The following DLC1 variants were observed in gnomAD, a reference collection of about 807,000 sequenced individuals.
The protein encoded by DLC1 is rho GTPase-activating protein 7.
A neutral mutation model predicts 140.3 loss-of-function variants in DLC1; 54 were observed. The ratio of observed to expected loss-of-function variants is 0.38; its 90% CI spans 0.31 to 0.48. The LOEUF (loss-of-function observed/expected upper bound fraction) is 0.48. Among genes scored for constraint, DLC1 ranks in the 20% least tolerant of loss-of-function variants. The pLI, the probability that DLC1 is intolerant of heterozygous loss-of-function variation, is 0.96. For synonymous variants in DLC1, 986 were observed against 728.1 expected (o/e 1.35, Z -5.70); for missense variants, 2,536 against 1,907.0 (o/e 1.33, Z -6.14).
intron 5 of DLC1, among the ~76,000 whole-genome samples, chr8:13,279,253 C>A (rs768504695): frequency 6.6e-6 from 1 of 152,192 alleles, no homozygotes; most frequent in Non-Finnish European, 1.5e-5. Context: ...CACTGTTTAA[C>A]AGTAGAGCAC....
intron 5 of DLC1, among the ~76,000 whole-genome samples, chr8:13,161,736 C>G (rs539566698): frequency 5.3e-5 from 8 of 152,134 alleles, no homozygotes; most frequent in Non-Finnish European, 1.2e-4. Flanking sequence ...TTGGAGAGAA[C>G]GCTTCCTTGT....
At chr8:13,103,304 C>A (rs1563603963) in intron 7 of DLC1, among the ~76,000 whole-genome samples, 1 of 142,010 alleles carries the variant, frequency 7.0e-6, no homozygotes, top group East Asian at 2.1e-4. Flanking sequence ...GAGTGAGACT[C>A]CTTCTCAAAA....
chr8:13,377,834 G>C (rs980735652), intron 4 of DLC1, among the ~76,000 whole-genome samples: 1 of 151,800 alleles, frequency 6.6e-6, no homozygotes, highest in Non-Finnish European at 1.5e-5. Flanking sequence ...AAATCTATTG[G>C]CCTCCTATTT....
At chr8:13,229,431 T>C (rs1011773549) in intron 5 of DLC1, among the ~76,000 whole-genome samples, 8 of 152,180 alleles carry the variant, frequency 5.3e-5, no homozygotes, top group Middle Eastern at 3.4e-3. Context: ...TAGGACTCAG[T>C]TGGGGGGTAG....
At chr8:13,475,439 G>C (rs1800393976) in intron 2 of DLC1, among the ~76,000 whole-genome samples, 1 of 152,286 alleles carries the variant, frequency 6.6e-6, no homozygotes, top group South Asian at 2.1e-4. Flanking sequence ...TAAGCACAGT[G>C]GTTAAAATAA....
At chr8:13,196,926 C>G (rs77934393) in intron 5 of DLC1, among the ~76,000 whole-genome samples, 2 of 152,094 alleles carry the variant, frequency 1.3e-5, no homozygotes, top group African/African-American at 2.4e-5. Flanking sequence ...TTAGAACTTT[C>G]TACAGTTTAT....
At chr8:13,107,093 A>G (rs1819627984) in intron 7 of DLC1, among the ~76,000 whole-genome samples, 1 of 152,248 alleles carries the variant, frequency 6.6e-6, no homozygotes, top group African/African-American at 2.4e-5. Context: ...CGTTTCTCCA[A>G]GGGAACAGAC....
chr8:13,173,646 A>T (rs2410027), intron 5 of DLC1, among the ~76,000 whole-genome samples: 69,427 of 152,032 alleles, frequency 0.46, 16,645 homozygotes, highest in East Asian at 0.84. Context: ...CTGAGATTAC[A>T]GGCTTGAGCC....
At chr8:13,133,062 G>C in intron 5 of DLC1, 2 of 1,556,648 alleles carry the variant, frequency 1.3e-6, no homozygotes, top group South Asian at 2.4e-5. Flanking sequence ...CGGGACCCAC[G>C]GCGGCACCCG....
intron 1 of DLC1, among the ~76,000 whole-genome samples, chr8:13,523,912 A>C (rs1355492061): frequency 6.6e-6 from 1 of 151,628 alleles, no homozygotes; most frequent in East Asian, 1.9e-4. Context: ...AAAGTATAGA[A>C]ATGTTGAAGA....
At chr8:13,486,655 G>A (rs7341655) in intron 2 of DLC1, among the ~76,000 whole-genome samples, 150,254 of 152,234 alleles carry the variant, frequency 0.99, 74,193 homozygotes, top group East Asian at 1. Context: ...GTTTTTTCCA[G>A]CTGAAACATT....
chr8:13,525,999 T>A (rs553331378), intron 1 of DLC1, among the ~76,000 whole-genome samples: 1 of 152,258 alleles, frequency 6.6e-6, no homozygotes, highest in East Asian at 1.9e-4. Context: ...TAATTTTTTA[T>A]ATGGTGAAAG....
At chr8:13,286,152 G>A (rs747049784) in intron 5 of DLC1, among the ~76,000 whole-genome samples, 6 of 152,138 alleles carry the variant, frequency 3.9e-5, no homozygotes, top group Non-Finnish European at 8.8e-5. Flanking sequence ...ATAGAATTGG[G>A]TCAAAGAAGC....
chr8:13,172,119 G>C (rs1825519093), intron 5 of DLC1, among the ~76,000 whole-genome samples: 1 of 152,192 alleles, frequency 6.6e-6, no homozygotes, highest in South Asian at 2.1e-4. Flanking sequence ...ACATTTTATA[G>C]ATGTCATTTG....
chr8:13,173,695 T>C lies in DLC1; in HGVS notation c.1349-58038A>G, dbSNP rs113790016. Among the ~76,000 whole-genome samples, 129 of 152,318 alleles carry C rather than the reference T, an allele frequency of 8.5e-4. 1 individual carries two copies. The highest frequency in any genetic ancestry group is 3.4e-3 in the Middle Eastern group (1 of 294). On this transcript the variant is annotated intron_variant, in intron 5 of 17. Transcript: ENST00000276297. ...TGTTCTGCTCCCTTTTTTCCGCTAC[T>C]AAATTAAGGATAAAGCTATTTAGTT...
chr8:13,096,298 G>A (rs1380850749), intron 10 of DLC1, among the ~76,000 whole-genome samples: 1 of 152,158 alleles, frequency 6.6e-6, no homozygotes, highest in Admixed American at 6.5e-5. Context: ...ACTCCGAAAT[G>A]AGAATCTAAA....
intron 5 of DLC1, among the ~76,000 whole-genome samples, 177 bp from the exon 6 acceptor site, chr8:13,115,834 C>T (rs527644013): frequency 6.6e-6 from 1 of 152,194 alleles, no homozygotes; most frequent in African/African-American, 2.4e-5. Context: ...GCATCGTTTC[C>T]AGTTTTTTCA....
intron 5 of DLC1, among the ~76,000 whole-genome samples, chr8:13,288,016 CTTG>C (rs1253723644): frequency 6.6e-6 from 1 of 151,872 alleles, no homozygotes; most frequent in Non-Finnish European, 1.5e-5. Flanking sequence ...GATTGTGTCA[CTTG>C]TTATGTATTA....
intron 15 of DLC1, among the ~76,000 whole-genome samples, chr8:13,089,581 T>C (rs182240655): frequency 5.6e-4 from 84 of 150,572 alleles, no homozygotes; most frequent in African/African-American, 2.0e-3. Context: ...GCCGAGATCA[T>C]GCCACTGCAC....
Sources: gnomAD v4.1 joint callset for allele counts (sites outside exome capture counted in the v4.1 genomes callset) on GRCh38, gnomAD v4.1.1 for gene constraint, MANE v1.5 for transcripts, NCBI Gene and HGNC (gene_info 2026-07-23, HGNC 2026-07-21) for gene names.